The following RABGAP1L variants were observed in gnomAD, a reference collection of about 807,000 sequenced individuals.
RABGAP1L encodes rab GTPase-activating protein 1-like.
Under a neutral mutation model 137.7 loss-of-function variants are expected in RABGAP1L, and 63 were observed. That is an observed-to-expected ratio of 0.46 (90% CI 0.37 to 0.56). The LOEUF is 0.56. Ranked by LOEUF, RABGAP1L falls within the 20% of genes least tolerant of loss-of-function variation. The pLI, the probability that RABGAP1L is intolerant of heterozygous loss-of-function variation, is 0.00. For missense variants in RABGAP1L, 1,095 were observed against 1,244.0 expected (o/e 0.88, Z 1.80); for synonymous variants, 431 against 433.7 (o/e 0.99, Z 0.08).
At chr1:174,804,364 A>G (rs1030307562) in intron 18 of RABGAP1L, among the ~76,000 whole-genome samples, 2 of 148,328 alleles carry the variant, frequency 1.3e-5, no homozygotes, top group Admixed American at 6.9e-5. Flanking sequence ...TCCGCCTCCC[A>G]GGCTCAGGCA....
At chr1:174,728,075 AAG>A (rs1682142580) in intron 17 of RABGAP1L, among the ~76,000 whole-genome samples, 1 of 152,236 alleles carries the variant, frequency 6.6e-6, no homozygotes, top group Admixed American at 6.5e-5. Context: ...GAAATTATTA[AAG>A]AGAATTATAT....
intron 19 of RABGAP1L, among the ~76,000 whole-genome samples, chr1:174,843,429 C>G (rs1455510227): frequency 6.6e-6 from 1 of 150,708 alleles, no homozygotes; most frequent in Non-Finnish European, 1.5e-5. Flanking sequence ...TTCCTGTGTC[C>G]ATGTGATCTC....
At chr1:174,541,755 G>A (rs1268915882) in intron 13 of RABGAP1L, among the ~76,000 whole-genome samples, 1 of 151,794 alleles carries the variant, frequency 6.6e-6, no homozygotes, top group Admixed American at 6.6e-5. Context: ...CAGCCTGGGT[G>A]ACAGCACGAG....
chr1:174,708,217 A>C (rs1330987200), intron 17 of RABGAP1L, among the ~76,000 whole-genome samples: 1 of 152,150 alleles, frequency 6.6e-6, no homozygotes, highest in Non-Finnish European at 1.5e-5. Context: ...CAGTTTTCAG[A>C]AGTTGTTATC....
intron 13 of RABGAP1L, among the ~76,000 whole-genome samples, chr1:174,468,946 A>C (rs1050217685): frequency 1.3e-5 from 2 of 152,204 alleles, no homozygotes; most frequent in Non-Finnish European, 2.9e-5. Flanking sequence ...TTACACTGCT[A>C]ATCATTTCAG....
intron 11 of RABGAP1L, among the ~76,000 whole-genome samples, chr1:174,312,758 G>A (rs137916344): frequency 5.7e-4 from 87 of 152,084 alleles, no homozygotes; most frequent in African/African-American, 2.0e-3. Flanking sequence ...TCTTTAATCC[G>A]TTTTGTTTTG....
intron 1 of RABGAP1L, among the ~76,000 whole-genome samples, chr1:174,196,052 G>A (rs1043032150): frequency 5.3e-5 from 8 of 151,132 alleles, no homozygotes; most frequent in African/African-American, 1.7e-4. Context: ...AGCCAGGATG[G>A]TCTGGGTCTC....
In RABGAP1L at chr1:174,616,049, G is replaced by T. The variant is rs200530879; in HGVS notation, c.1711-21326G>T. ...CACTTCCTGAGTGAGGCAATGTCTT[G>T]CCCTGCTTTGGCTCGCACACAGTGC... On this transcript the variant is annotated intron_variant, in intron 13 of 25. Transcript: ENST00000681986. 3.9e-5 allele frequency among the ~76,000 whole-genome samples: 6 copies of T among 152,328 alleles called. No individual in the cohort carries two copies. In the East Asian group the frequency reaches 1.2e-3, roughly 29 times the overall value.
intron 11 of RABGAP1L, among the ~76,000 whole-genome samples, chr1:174,358,315 A>G (rs1372099147): frequency 1.3e-5 from 2 of 152,190 alleles, no homozygotes. Flanking sequence ...ATTTAAATTC[A>G]TGTAGTTCCA....
chr1:174,803,718 A>G (rs184036283), intron 18 of RABGAP1L, among the ~76,000 whole-genome samples: 1 of 152,236 alleles, frequency 6.6e-6, no homozygotes, highest in East Asian at 1.9e-4. Flanking sequence ...AGTTTGGAAT[A>G]GAAGCATCTG....
At chr1:174,286,022 A>G (rs1378218593) in intron 10 of RABGAP1L, among the ~76,000 whole-genome samples, 1 of 151,970 alleles carries the variant, frequency 6.6e-6, no homozygotes, top group Non-Finnish European at 1.5e-5. Context: ...GTTCATTTGG[A>G]TTACTGGCCT....
chr1:174,973,038 A>C (rs928190194), intron 21 of RABGAP1L, among the ~76,000 whole-genome samples: 2 of 152,282 alleles, frequency 1.3e-5, no homozygotes, highest in East Asian at 3.9e-4. Flanking sequence ...AAAATTCAAA[A>C]GACCACTGTT....
At position 174,944,231 on chromosome 1, in the gene RABGAP1L, T is replaced by C. The variant is rs994499417; in HGVS notation, c.2341-13226T>C. On this transcript the variant is annotated intron_variant, in intron 19 of 25. Coordinates refer to ENST00000681986, the MANE Select transcript of RABGAP1L (RefSeq NM_001366446.1). The stretch of plus-strand genomic sequence containing the variant: ...GGTGGAGCTTGCAGTGAGCCAAGAT[T>C]ACTCCACTGCATTCCAGCCTGGGCA... 5.8e-5 allele frequency among the ~76,000 whole-genome samples: 8 copies of C among 138,730 alleles called. No homozygotes were observed. In the East Asian group the frequency reaches 1.8e-3, roughly 31 times the overall value. The allele number at this position is 138,730 out of a possible 152,430, so 91.0% of individuals were successfully genotyped here. A position where few individuals can be genotyped will look rare whatever the true frequency, so the allele number is the denominator to read the frequency against.
chr1:174,181,324 G>A (rs1035749688), intron 1 of RABGAP1L, among the ~76,000 whole-genome samples: 1 of 151,532 alleles, frequency 6.6e-6, no homozygotes, highest in African/African-American at 2.4e-5. Flanking sequence ...TTTTATACAA[G>A]GGTCTTTCTT....
intron 3 of RABGAP1L, among the ~76,000 whole-genome samples, chr1:174,230,269 G>T: frequency 8.2e-6 from 1 of 121,354 alleles, no homozygotes; most frequent in African/African-American, 3.1e-5. Flanking sequence ...AGGGGGGAGG[G>T]ATAGCATTAG....
chr1:174,428,723 ACCAGTGTTGAGTGTGTGTATTTTAT>A (rs1415255367), intron 13 of RABGAP1L, among the ~76,000 whole-genome samples: 1 of 152,172 alleles, frequency 6.6e-6, no homozygotes, highest in Non-Finnish European at 1.5e-5. Flanking sequence ...CCCTCTTTTC[ACCAGTGTTGAGTGTGTGTATTTTAT>A]CCAGTGTTGG....
intron 18 of RABGAP1L, among the ~76,000 whole-genome samples, chr1:174,774,062 C>A (rs1686330008): frequency 6.6e-6 from 1 of 152,106 alleles, no homozygotes; most frequent in South Asian, 2.1e-4. Context: ...AATAATATAA[C>A]CAGTAGAGGA....
intron 19 of RABGAP1L, among the ~76,000 whole-genome samples, chr1:174,814,759 A>G (rs930155938): frequency 1.1e-4 from 17 of 151,818 alleles, no homozygotes; most frequent in Non-Finnish European, 7.4e-5. Flanking sequence ...CAGTGGCACA[A>G]TCTCTGCTCA....
rs949224136 is a variant in RABGAP1L, at chr1:174,827,544, C to T, written c.2340+15584C>T. On this transcript the variant is annotated intron_variant, in intron 19 of 25. Transcript: ENST00000681986. ...TCAATTTCTCTGAAAACATTCTCTT[C>T]TGAACGTGAATCTTGCTTGGCAGCT... Among the ~76,000 whole-genome samples the T allele has an allele frequency of 1.4e-4, 20 of 147,978 alleles. 1 individual carries two copies. The highest frequency in any genetic ancestry group is 1.2e-3 in the Admixed American group (18 of 14,786).
Sources: gnomAD v4.1 joint callset for allele counts (sites outside exome capture counted in the v4.1 genomes callset) on GRCh38, gnomAD v4.1.1 for gene constraint, MANE v1.5 for transcripts, NCBI Gene and HGNC (gene_info 2026-07-23, HGNC 2026-07-21) for gene names.